The following KALRN variants were observed in gnomAD, a reference collection of about 807,000 sequenced individuals.
KALRN encodes kalirin.
A neutral mutation model predicts 353.7 loss-of-function variants in KALRN; 70 were observed. That is an observed-to-expected ratio of 0.20 (90% confidence interval 0.16 to 0.24). The LOEUF (loss-of-function observed/expected upper bound fraction) is 0.24. KALRN is among the 10% of genes least tolerant of loss of function. The pLI, the probability that KALRN is intolerant of heterozygous loss-of-function variation, is 1.00. For synonymous variants in KALRN, 1,391 were observed against 1,434.8 expected (o/e 0.97, Z 0.69); for missense variants, 2,791 against 3,756.7 (o/e 0.74, Z 6.72).
At chr3:124,114,398 C>G (rs2063276117) in intron 1 of KALRN, among the ~76,000 whole-genome samples, 1 of 152,174 alleles carries the variant, frequency 6.6e-6, no homozygotes, top group African/African-American at 2.4e-5. Flanking sequence ...AAGGAGCTGT[C>G]TGCTGTTTTC....
At chr3:124,311,050 A>G (rs73188197) in intron 6 of KALRN, among the ~76,000 whole-genome samples, 36,429 of 144,234 alleles carry the variant, frequency 0.25, 6,260 homozygotes, top group Non-Finnish European at 0.38. Flanking sequence ...CAAAACCACA[A>G]TGAGATACTA....
chr3:124,034,038 C>T (rs1372926948), intron 1 of KALRN, among the ~76,000 whole-genome samples: 2 of 152,174 alleles, frequency 1.3e-5, no homozygotes, highest in Non-Finnish European at 2.9e-5. Flanking sequence ...TCCGCCTTCA[C>T]CCCAGTTGCG....
chr3:124,085,076 G>A (rs766920322), intron 1 of KALRN, among the ~76,000 whole-genome samples: 7 of 152,162 alleles, frequency 4.6e-5, no homozygotes, highest in Non-Finnish European at 7.4e-5. Flanking sequence ...TCCCCCACCT[G>A]ATGCATAAAA....
intron 51 of KALRN, among the ~76,000 whole-genome samples, chr3:124,682,135 C>G (rs1409845333): frequency 6.6e-6 from 1 of 152,214 alleles, no homozygotes; most frequent in Non-Finnish European, 1.5e-5. Flanking sequence ...GCAATGTACA[C>G]TGCAGAAGAA....
intron 34 of KALRN, among the ~76,000 whole-genome samples, chr3:124,616,837 C>T (rs919746762): frequency 9.2e-5 from 14 of 151,896 alleles, no homozygotes; most frequent in Admixed American, 3.3e-4. Context: ...TGGTGGCCGG[C>T]GCCTGTAGTC....
At chr3:124,525,398 T>C (rs1305513023) in intron 33 of KALRN, among the ~76,000 whole-genome samples, 1 of 152,230 alleles carries the variant, frequency 6.6e-6, no homozygotes, top group Non-Finnish European at 1.5e-5. Context: ...ATGTGGAGGT[T>C]TTAGATTTGC....
chr3:124,213,973 A>C (rs1023184769), intron 1 of KALRN, among the ~76,000 whole-genome samples: 14 of 152,176 alleles, frequency 9.2e-5, no homozygotes, highest in African/African-American at 3.1e-4. Context: ...AAGTGTATGA[A>C]TATTTTACAG....
intron 57 of KALRN, among the ~76,000 whole-genome samples, chr3:124,702,338 T>C (rs1437108139): frequency 3.3e-5 from 5 of 152,228 alleles, no homozygotes; most frequent in African/African-American, 9.6e-5. Flanking sequence ...TCTTTTCTAA[T>C]ATAAGAAATT....
At chr3:124,203,998 G>A (rs936583684) in intron 1 of KALRN, among the ~76,000 whole-genome samples, 1 of 152,178 alleles carries the variant, frequency 6.6e-6, no homozygotes, top group African/African-American at 2.4e-5. Context: ...TCAACTGCAG[G>A]ACATGAGTAT....
chr3:124,583,496 C>T (rs971657000), intron 34 of KALRN, among the ~76,000 whole-genome samples: 7 of 152,170 alleles, frequency 4.6e-5, no homozygotes, highest in Admixed American at 1.3e-4. Flanking sequence ...GATAGGTCTA[C>T]TGGGCATATT....
chr3:124,440,966 A>G (rs543264300), intron 18 of KALRN, among the ~76,000 whole-genome samples: 11 of 151,980 alleles, frequency 7.2e-5, no homozygotes, highest in Admixed American at 3.9e-4. Context: ...AGCAAGGAGA[A>G]TGTGATCAGC....
At chr3:124,421,731 G>A (rs1482961427) in intron 14 of KALRN, among the ~76,000 whole-genome samples, 3 of 152,156 alleles carry the variant, frequency 2.0e-5, no homozygotes, top group South Asian at 2.1e-4. Context: ...CTCTCTCTCC[G>A]AGTTCGTTCA....
At chr3:124,410,428 T>A (rs2092047680) in intron 13 of KALRN, among the ~76,000 whole-genome samples, 1 of 152,220 alleles carries the variant, frequency 6.6e-6, no homozygotes, top group Non-Finnish European at 1.5e-5. Context: ...TTTGGGCTAT[T>A]TTACATATAT....
At chr3:124,358,888 C>T (rs2083705923) in intron 10 of KALRN, among the ~76,000 whole-genome samples, 1 of 152,182 alleles carries the variant, frequency 6.6e-6, no homozygotes, top group African/African-American at 2.4e-5. Flanking sequence ...GTCAACCACC[C>T]TGCTGTGGAG....
At chr3:124,612,826 C>T (rs1245476134) in intron 34 of KALRN, among the ~76,000 whole-genome samples, 1 of 152,166 alleles carries the variant, frequency 6.6e-6, no homozygotes, top group African/African-American at 2.4e-5. Context: ...AAGCACTCAA[C>T]AAGCATGTGT....
intron 1 of KALRN, among the ~76,000 whole-genome samples, chr3:124,042,807 T>C (rs971238273): frequency 6.6e-6 from 1 of 152,038 alleles, no homozygotes; most frequent in Non-Finnish European, 1.5e-5. Flanking sequence ...AGTAGGTGGA[T>C]AATGAAGGGA....
chr3:124,413,713 G>A lies in KALRN; in HGVS notation c.2542+48G>A, dbSNP rs768153547. 2.0e-5 allele frequency: 30 copies of A among 1,483,566 alleles called. 1 individual carries two copies. Among genetic ancestry groups the A allele is most frequent in the South Asian group, 3.6e-5 (3 of 84,110 alleles). 91.9% of individuals were successfully genotyped at this position (1,483,566 alleles called of 1,614,324 possible). ...CTGGCAGAGGAGATGATGAAAACAA[G>A]CATACCATCTAGCCTGCAAGGAGCA... On this transcript the variant is annotated intron_variant, in intron 14 of 59. Coordinates refer to ENST00000682506, the MANE Select transcript of KALRN (RefSeq NM_001388419.1).
At chr3:124,594,173 C>T (rs1231684634) in intron 34 of KALRN, among the ~76,000 whole-genome samples, 1 of 152,196 alleles carries the variant, frequency 6.6e-6, no homozygotes, top group African/African-American at 2.4e-5. Flanking sequence ...TTACATGCTG[C>T]TTTTATAACT....
At chr3:124,430,803 C>G in intron 16 of KALRN, 28 bp downstream of exon 16, 1 of 1,607,044 alleles carries the variant, frequency 6.2e-7, no homozygotes, top group Admixed American at 1.7e-5. Flanking sequence ...CTGCACTGTC[C>G]TCCCTTCGCC....
Sources: gnomAD v4.1 joint callset for allele counts (sites outside exome capture counted in the v4.1 genomes callset) on GRCh38, gnomAD v4.1.1 for gene constraint, MANE v1.5 for transcripts, NCBI Gene and HGNC (gene_info 2026-07-23, HGNC 2026-07-21) for gene names.